The following MACROD2 variants were observed in gnomAD, a reference collection of about 807,000 sequenced individuals.
MACROD2 encodes ADP-ribose glycohydrolase MACROD2.
Under a neutral mutation model 70.4 loss-of-function variants are expected in MACROD2, and 36 were observed. That is an observed-to-expected ratio of 0.51 (90% confidence interval 0.39 to 0.68). The LOEUF is 0.68. Among genes scored for constraint, MACROD2 ranks in the 30% least tolerant of loss-of-function variants. MACROD2 has a pLI of 0.00. For missense variants in MACROD2, 496 were observed against 538.4 expected, an observed-to-expected ratio of 0.92 and a Z score of 0.78; for synonymous variants, 172 against 178.8, an observed-to-expected ratio of 0.96 and a Z score of 0.30.
rs375739375 is a variant in MACROD2 at position 14,100,721 on chromosome 20, T to C, written c.271+14993T>C. Among the ~76,000 whole-genome samples, 3 of 4,332 alleles carry C rather than the reference T, an allele frequency of 6.9e-4. No individual in the cohort carries two copies. The East Asian group carries it at 0.17, about 241-fold the overall frequency. 2.8% of individuals were successfully genotyped at this position (4,332 alleles called of 152,430 possible). A position where few individuals can be genotyped will look rare whatever the true frequency, so the allele number is the denominator to read the frequency against. ...TATAAATATATAGTATATATACATTTATATATAATATATATAAATATAATA... is the reference window on the plus strand; with the variant it reads ...TATAAATATATAGTATATATACATTCATATATAATATATATAAATATAATA... On this transcript the variant is annotated intron_variant, in intron 3 of 17. Transcript: ENST00000684519.
chr20:14,845,797 G>A (rs933193259), intron 5 of MACROD2, among the ~76,000 whole-genome samples: 2 of 152,014 alleles, frequency 1.3e-5, no homozygotes, highest in African/African-American at 4.8e-5. Context: ...TACAGAGGTT[G>A]GCTATAGAAA....
intron 12 of MACROD2, among the ~76,000 whole-genome samples, chr20:15,959,410 T>C (rs2066026473): frequency 6.6e-6 from 1 of 152,248 alleles, no homozygotes. Flanking sequence ...GCATAATGCC[T>C]TTCAGCCCAT....
intron 3 of MACROD2, among the ~76,000 whole-genome samples, chr20:14,411,894 C>A (rs546525907): frequency 1.3e-5 from 2 of 152,208 alleles, no homozygotes; most frequent in African/African-American, 4.8e-5. Context: ...ACTTAGACAC[C>A]ACTCTCTTAA....
chr20:14,852,579 G>A (rs147379923), intron 5 of MACROD2, among the ~76,000 whole-genome samples: 74 of 152,210 alleles, frequency 4.9e-4, no homozygotes, highest in African/African-American at 1.8e-3. Context: ...TGATAAGCGA[G>A]CAGGCCCCTT....
At chr20:14,459,633 A>AT (rs952026401) in intron 3 of MACROD2, among the ~76,000 whole-genome samples, 11 of 151,326 alleles carry the variant, frequency 7.3e-5, no homozygotes, top group African/African-American at 2.2e-4. Context: ...ACCAGTTCTA[A>AT]TTTTTTTTTA....
intron 6 of MACROD2, among the ~76,000 whole-genome samples, chr20:15,319,984 G>A (rs79978326): frequency 3.3e-5 from 5 of 152,124 alleles, no homozygotes; most frequent in African/African-American, 7.2e-5. Context: ...CGAGGTGGGC[G>A]GATCACCTCA....
chr20:14,125,322 TA>T (rs2054634912), intron 3 of MACROD2, among the ~76,000 whole-genome samples: 1 of 152,198 alleles, frequency 6.6e-6, no homozygotes, highest in South Asian at 2.1e-4. Context: ...TTTACCTCAG[TA>T]AAAAATAAGC....
chr20:14,167,559 CTT>C (rs1217164424), intron 3 of MACROD2, among the ~76,000 whole-genome samples: 1 of 145,268 alleles, frequency 6.9e-6, no homozygotes. Flanking sequence ...AATTTTTGTG[CTT>C]TTTTTTTTAG....
chr20:15,825,975 A>G (rs1015446058), intron 8 of MACROD2, among the ~76,000 whole-genome samples: 1 of 152,208 alleles, frequency 6.6e-6, no homozygotes, highest in Admixed American at 6.5e-5. Flanking sequence ...CTCTGCAGGA[A>G]TTCCCCCTCA....
chr20:15,851,452 G>A (rs904222102), intron 8 of MACROD2, among the ~76,000 whole-genome samples: 1 of 151,940 alleles, frequency 6.6e-6, no homozygotes, highest in Non-Finnish European at 1.5e-5. Flanking sequence ...CTGGCAGATG[G>A]CCATCTTCCC....
At chr20:14,794,017 A>G (rs1448694778) in intron 5 of MACROD2, among the ~76,000 whole-genome samples, 1 of 152,042 alleles carries the variant, frequency 6.6e-6, no homozygotes, top group Non-Finnish European at 1.5e-5. Flanking sequence ...GTGTAGCTTC[A>G]TGGTCCCAGG....
chr20:14,896,013 T>C (rs947884218), intron 5 of MACROD2, among the ~76,000 whole-genome samples: 2 of 152,156 alleles, frequency 1.3e-5, no homozygotes, highest in African/African-American at 4.8e-5. Context: ...CATTTGGAAA[T>C]AGGCCGGGTG....
At chr20:15,270,732 T>C (rs539852346) in intron 6 of MACROD2, among the ~76,000 whole-genome samples, 6 of 152,190 alleles carry the variant, frequency 3.9e-5, no homozygotes, top group Admixed American at 6.5e-5. Flanking sequence ...TTGATCTTTA[T>C]GTACTAGAAA....
At chr20:15,233,924 T>C (rs986258581) in intron 6 of MACROD2, among the ~76,000 whole-genome samples, 6 of 141,930 alleles carry the variant, frequency 4.2e-5, no homozygotes, top group African/African-American at 1.6e-4. Flanking sequence ...AAGTCAGTTA[T>C]TTTTATTTAA....
intron 4 of MACROD2, chr20:14,566,879 G>C (rs1273813572): frequency 6.6e-6 from 1 of 151,580 alleles, no homozygotes; most frequent in Non-Finnish European, 1.5e-5. Flanking sequence ...ATAAATTGTT[G>C]CAATGTCTTT....
intron 3 of MACROD2, among the ~76,000 whole-genome samples, chr20:14,492,644 T>C (rs141904489): frequency 1.3e-5 from 2 of 152,268 alleles, no homozygotes; most frequent in East Asian, 1.9e-4. Context: ...GTTTGGTTGC[T>C]ACCTACTTTC....
intron 5 of MACROD2, among the ~76,000 whole-genome samples, chr20:15,144,938 G>A (rs779573500): frequency 6.6e-6 from 1 of 152,148 alleles, no homozygotes; most frequent in African/African-American, 2.4e-5. Flanking sequence ...ATAGAGCACA[G>A]TACAGAAGAA....
intron 15 of MACROD2, among the ~76,000 whole-genome samples, chr20:16,004,168 G>A (rs1004410537): frequency 7.2e-5 from 11 of 152,124 alleles, no homozygotes; most frequent in South Asian, 4.1e-4. Flanking sequence ...CTGTGGTAAG[G>A]ATGAGGACCT....
chr20:14,983,470 G>A (rs1251230641), intron 5 of MACROD2, among the ~76,000 whole-genome samples: 3 of 152,124 alleles, frequency 2.0e-5, no homozygotes, highest in African/African-American at 4.8e-5. Context: ...TCCATATGTT[G>A]TGGGAGGGAC....
Sources: allele counts gnomAD v4.1 joint callset (sites outside exome capture counted in the v4.1 genomes callset), GRCh38; gene constraint gnomAD v4.1.1; transcripts MANE v1.5; gene names NCBI Gene and HGNC (gene_info 2026-07-23, HGNC 2026-07-21).